PCDHGA11: variants seen among roughly 807,000 people sequenced by gnomAD.
PCDHGA11 encodes the protein protocadherin gamma subfamily A, 11.
In PCDHGA11, 39 loss-of-function variants were observed where a neutral mutation model predicts 60.4. The observed-to-expected ratio is 0.65, with a 90% CI of 0.50 to 0.84. The LOEUF (loss-of-function observed/expected upper bound fraction) is 0.84, where lower values mean the gene tolerates loss of function less well. PCDHGA11 is among the 40% of genes least tolerant of loss of function. The pLI is 0.00. For missense variants in PCDHGA11, 1,165 were observed against 1,197.7 expected (o/e 0.97, Z 0.40); for synonymous variants, 533 against 510.3 (o/e 1.04, Z -0.60).
chr5:141,477,988 C>T lies in PCDHGA11; in HGVS notation c.2434-16819C>T, dbSNP rs771241128. The T allele has an allele frequency of 6.2e-7, 1 of 1,614,160 alleles. No individual in the cohort carries two copies. Among genetic ancestry groups the T allele is most frequent in the Non-Finnish European group, 8.5e-7 (1 of 1,180,032 alleles). On this transcript the variant is annotated intron_variant, in intron 1 of 3. Coordinates refer to ENST00000398587, the MANE Select transcript of PCDHGA11 (RefSeq NM_018914.3). This position sits in a 1 kb window ranked among gnomAD's most constrained non-coding sequence, Gnocchi z 4.9. ...AGAGCCTTTTTGCCATAGGGCTGCA[C>T]ACTGGTCAAATCAGTACTGCCCGTC...
At position 141,476,001 on chromosome 5, in the gene PCDHGA11, C is replaced by A. The variant is rs989369008; in HGVS notation, c.2434-18806C>A. On this transcript the variant is annotated intron_variant, in intron 1 of 3. Coordinates refer to ENST00000398587, the MANE Select transcript of PCDHGA11 (RefSeq NM_018914.3). This position sits in a 1 kb window ranked among gnomAD's most constrained non-coding sequence, Gnocchi z 7.6. ...CAGCCGGCGAGCAAATCAACGGCAT[C>A]CAGAAAGCCATGTCGGACTCGGCGC... The A allele has an allele frequency of 5.7e-5, 70 of 1,235,226 alleles. No homozygotes were observed. In the Middle Eastern group the frequency reaches 8.6e-4, roughly 15 times the overall value. The allele number at this position is 1,235,226 out of a possible 1,614,324, so 76.5% of individuals were successfully genotyped here. A position where few individuals can be genotyped will look rare whatever the true frequency, so the allele number is the denominator to read the frequency against.
chr5:141,477,087 C>T lies in PCDHGA11; in HGVS notation c.2434-17720C>T, dbSNP rs748424193. ...AAACTCCATGAGATTTACATCCAGG[C>T]CAAAGACAAGGGCGCCAATCCCGAA... On this transcript the variant is annotated intron_variant, in intron 1 of 3. Coordinates refer to ENST00000398587, the MANE Select transcript of PCDHGA11 (RefSeq NM_018914.3). The surrounding 1 kb of genome is among the most constrained non-coding windows in gnomAD (Gnocchi z 4.9). The T allele has an allele frequency of 1.2e-6, 2 of 1,614,244 alleles. No individual in the cohort carries two copies. Among genetic ancestry groups the T allele is most frequent in the Admixed American group, 3.3e-5 (2 of 60,032 alleles).
chr5:141,457,997 G>A (rs2098934533), intron 1 of PCDHGA11, among the ~76,000 whole-genome samples: 1 of 152,152 alleles, frequency 6.6e-6, no homozygotes, highest in Non-Finnish European at 1.5e-5. Context: ...TAAAGCCTTG[G>A]CAAAATAACC....
In PCDHGA11 at chr5:141,490,889, T is replaced by G. The variant is rs568838001; in HGVS notation, c.2434-3918T>G. The G allele has an allele frequency of 6.2e-7, 1 of 1,613,406 alleles. No homozygotes were observed. Among genetic ancestry groups the G allele is most frequent in the Non-Finnish European group, 8.5e-7 (1 of 1,179,428 alleles). ...CCCCCATTGCATGCCAACACATCTCTGCATGTGTTTGTCCTAGACGAGAAT... is the reference window on the plus strand; with the variant it reads ...CCCCCATTGCATGCCAACACATCTCGGCATGTGTTTGTCCTAGACGAGAAT... On this transcript the variant is annotated intron_variant, in intron 1 of 3. Coordinates refer to ENST00000398587, the MANE Select transcript of PCDHGA11 (RefSeq NM_018914.3). This position sits in a 1 kb window ranked among gnomAD's most constrained non-coding sequence, Gnocchi z 5.4.
At chr5:141,472,000 C>T (rs935165645) in intron 1 of PCDHGA11, among the ~76,000 whole-genome samples, 3 of 151,852 alleles carry the variant, frequency 2.0e-5, no homozygotes, top group African/African-American at 4.8e-5. Flanking sequence ...ATCCCTGCAT[C>T]GTATAGGGGC....
Position 141,490,826 on chromosome 5 carries a change from T to A in PCDHGA11, c.2434-3981T>A, listed in dbSNP as rs1195265146. ...ACCTTTGACTATGAATTGCTGCAGA[T>A]GCTGCAGATTGTGGTGGGGGTTCGA... On this transcript the variant is annotated intron_variant, in intron 1 of 3. Coordinates refer to ENST00000398587, the MANE Select transcript of PCDHGA11 (RefSeq NM_018914.3). The surrounding 1 kb of genome is among the most constrained non-coding windows in gnomAD (Gnocchi z 5.4). 6.2e-7 allele frequency: 1 copy of A among 1,613,736 alleles called. No homozygotes were observed. The highest frequency in any genetic ancestry group is 8.5e-7 in the Non-Finnish European group (1 of 1,179,796).
chr5:141,433,328 G>C, intron 1 of PCDHGA11: 1 of 724,580 alleles, frequency 1.4e-6, no homozygotes, highest in Non-Finnish European at 2.3e-6. Context: ...GGTGTAACAG[G>C]GACTACAGGT....
At chr5:141,437,187 G>A (rs1055878763) in intron 1 of PCDHGA11, among the ~76,000 whole-genome samples, 1 of 152,148 alleles carries the variant, frequency 6.6e-6, no homozygotes, top group Non-Finnish European at 1.5e-5. Context: ...ACTGGGCAAT[G>A]GGTTTGGATG....
rs571588941 is a variant in PCDHGA11, at chr5:141,428,181, A to T, written c.2433+4521A>T. The T allele has an allele frequency of 1.2e-4, 181 of 1,486,230 alleles. 2 individuals carry two copies. In the South Asian group the frequency reaches 2.0e-3, roughly 16 times the overall value. The allele number at this position is 1,486,230 out of a possible 1,614,324, so 92.1% of individuals were successfully genotyped here. A position where few individuals can be genotyped will look rare whatever the true frequency, so the allele number is the denominator to read the frequency against. ...CTGGTTGCTGTGCGTGACGGAGGAC[A>T]GCCGCCGCTCTCTGCGCCGCTACGC... On this transcript the variant is annotated intron_variant, in intron 1 of 3. Coordinates refer to ENST00000398587, the MANE Select transcript of PCDHGA11 (RefSeq NM_018914.3).
chr5:141,487,968 T>C lies in PCDHGA11; in HGVS notation c.2434-6839T>C, dbSNP rs2099670029. Among the ~76,000 whole-genome samples the C allele has an allele frequency of 6.6e-6, 1 of 152,236 alleles. No individual in the cohort carries two copies. The highest frequency in any genetic ancestry group is 1.5e-5 in the Non-Finnish European group (1 of 68,050). On this transcript the variant is annotated intron_variant, in intron 1 of 3. Transcript: ENST00000398587. This position sits in a 1 kb window ranked among gnomAD's most constrained non-coding sequence, Gnocchi z 5.0. The stretch of plus-strand genomic sequence containing the variant: ...AGGCAGTCACTTGGACAAAGGTGGC[T>C]GTTTTCTCTACTCTTCCTGAAAGAG...
intron 2 of PCDHGA11, among the ~76,000 whole-genome samples, chr5:141,497,735 C>T (rs1299892535): frequency 2.6e-5 from 4 of 152,144 alleles, no homozygotes; most frequent in Non-Finnish European, 4.4e-5. Flanking sequence ...AGATGGGTTT[C>T]GCCACGTTGG....
rs2097383894 is a variant in PCDHGA11, at chr5:141,431,489, C to T, written c.2433+7829C>T. On this transcript the variant is annotated intron_variant, in intron 1 of 3. Transcript: ENST00000398587. This position sits in a 1 kb window ranked among gnomAD's most constrained non-coding sequence, Gnocchi z 4.8. ...GAACGACAACGCACCAGCGTTTGCTCAGCCCGAGTACCGCGCGAGCGTTCC... is the reference window on the plus strand; with the variant it reads ...GAACGACAACGCACCAGCGTTTGCTTAGCCCGAGTACCGCGCGAGCGTTCC... The T allele has an allele frequency of 1.2e-6, 2 of 1,613,850 alleles. No homozygotes were observed. The highest frequency in any genetic ancestry group is 3.3e-5 in the Admixed American group (2 of 60,016).
At chr5:141,498,796 G>C (rs1160540093) in intron 2 of PCDHGA11, among the ~76,000 whole-genome samples, 1 of 152,032 alleles carries the variant, frequency 6.6e-6, no homozygotes, top group African/African-American at 2.4e-5. Context: ...AGCCAGGTGT[G>C]GTGGTGCACA....
At chr5:141,460,453 A>G (rs1487816393) in intron 1 of PCDHGA11, among the ~76,000 whole-genome samples, 1 of 152,152 alleles carries the variant, frequency 6.6e-6, no homozygotes, top group Non-Finnish European at 1.5e-5. Flanking sequence ...ATGAAGATTC[A>G]TATTTTTTTC....
chr5:141,422,419 A>G lies in PCDHGA11; in HGVS notation c.1192A>G (p.Thr398Ala), dbSNP rs1318381358. 14 of 1,607,158 alleles carry G rather than the reference A, an allele frequency of 8.7e-6. No homozygotes were observed. The highest frequency in any genetic ancestry group is 1.2e-5 in the Non-Finnish European group (14 of 1,177,864). The change falls in exon 1 of 4, where the codon ACT becomes GCT. Residue 398 changes from threonine to alanine, a missense_variant. Thr to Ala is a moderately conservative substitution (Grantham distance 58). Coordinates refer to ENST00000398587, the MANE Select transcript of PCDHGA11 (RefSeq NM_018914.3). Reference sequence around the variant, plus strand: ...CCACCTGCCTTTTAAATTAGAAAAGACTTATGGAAATTATTACAAATTGAT... The same window carrying G: ...CCACCTGCCTTTTAAATTAGAAAAGGCTTATGGAAATTATTACAAATTGAT... ...PNHLPFKLEKTYGNYYKLITS... is the reference protein window; with the variant it reads ...PNHLPFKLEKAYGNYYKLITS...
intron 1 of PCDHGA11, among the ~76,000 whole-genome samples, chr5:141,488,417 C>T (rs2099675171): frequency 6.6e-6 from 1 of 152,224 alleles, no homozygotes; most frequent in Non-Finnish European, 1.5e-5. Context: ...GCCAAGCCAT[C>T]CATGCTTGGC....
intron 3 of PCDHGA11, among the ~76,000 whole-genome samples, chr5:141,510,415 C>G (rs2099881071): frequency 6.6e-6 from 1 of 152,082 alleles, no homozygotes; most frequent in Admixed American, 6.5e-5. Flanking sequence ...GCATGTAAAG[C>G]CATGGTTTCA....
At position 141,431,516 on chromosome 5, in the gene PCDHGA11, G is replaced by C. The variant is rs941913367; in HGVS notation, c.2433+7856G>C. 3.1e-6 allele frequency: 5 copies of C among 1,613,954 alleles called. No homozygotes were observed. In the African/African-American group the frequency reaches 6.7e-5, roughly 22 times the overall value. On this transcript the variant is annotated intron_variant, in intron 1 of 3. Coordinates refer to ENST00000398587, the MANE Select transcript of PCDHGA11 (RefSeq NM_018914.3). This position sits in a 1 kb window ranked among gnomAD's most constrained non-coding sequence, Gnocchi z 4.8. ...GCCCGAGTACCGCGCGAGCGTTCCG[G>C]AGAATCTGGCCTTGGGCACGCAGCT... is the stretch of plus-strand genomic sequence containing the variant.
In PCDHGA11 at chr5:141,476,886, C is replaced by T; in HGVS notation, c.2434-17921C>T. ...TACCGGGCGCGCGTCCTGGAGGATG[C>T]ACCCTCCGGCACGCGCGTGGTACAA... On this transcript the variant is annotated intron_variant, in intron 1 of 3. Transcript: ENST00000398587. This position sits in a 1 kb window ranked among gnomAD's most constrained non-coding sequence, Gnocchi z 7.6. The T allele has an allele frequency of 9.9e-6, 16 of 1,613,924 alleles. No individual in the cohort carries two copies. Among genetic ancestry groups the T allele is most frequent in the Non-Finnish European group, 1.4e-5 (16 of 1,180,032 alleles).
Sources: gnomAD v4.1 joint callset for allele counts (sites outside exome capture counted in the v4.1 genomes callset) on GRCh38, gnomAD v4.1.1 for gene constraint, Gnocchi (gnomAD v3.1) non-coding constraint, MANE v1.5 for transcripts, NCBI Gene and HGNC (gene_info 2026-07-23, HGNC 2026-07-21) for gene names.